AKAP6: variants seen among roughly 807,000 people sequenced by gnomAD.
The protein encoded by AKAP6 is A-kinase anchor protein 6.
AKAP6 carries 58 observed loss-of-function variants against 188.5 expected under a neutral mutation model. The observed-to-expected ratio is 0.31, with a 90% CI of 0.25 to 0.38. The LOEUF is 0.38. Ranked by LOEUF, AKAP6 falls within the 10% of genes least tolerant of loss-of-function variation. The pLI is 1.00. For missense variants in AKAP6, 2,710 were observed against 2,740.0 expected, an observed-to-expected ratio of 0.99 and a Z score of 0.24; for synonymous variants, 989 against 998.6, an observed-to-expected ratio of 0.99 and a Z score of 0.18.
At chr14:32,733,334 CTG>C (rs915296351) in intron 10 of AKAP6, 1 of 152,038 alleles carries the variant, frequency 6.6e-6, no homozygotes, top group African/African-American at 2.4e-5. Context: ...AAAAGTTAAA[CTG>C]TATTTTTTCA....
At chr14:32,774,372 A>C (rs2139995626) in intron 12 of AKAP6, among the ~76,000 whole-genome samples, 1 of 152,358 alleles carries the variant, frequency 6.6e-6, no homozygotes, top group Non-Finnish European at 1.5e-5. Context: ...CCCTGACATG[A>C]CATGAGTTAA....
At chr14:32,506,716 A>G (rs1417758187) in intron 2 of AKAP6, among the ~76,000 whole-genome samples, 1 of 151,770 alleles carries the variant, frequency 6.6e-6, no homozygotes, top group African/African-American at 2.4e-5. Flanking sequence ...TATTTTTACC[A>G]GAGACGGGGT....
At chr14:32,709,659 G>T (rs929441941) in intron 9 of AKAP6, among the ~76,000 whole-genome samples, 23 of 151,988 alleles carry the variant, frequency 1.5e-4, no homozygotes, top group African/African-American at 5.6e-4. Context: ...CTCCATTAAA[G>T]ATCTTTCCAG....
chr14:32,363,473 G>A (rs1347541409), intron 1 of AKAP6, among the ~76,000 whole-genome samples: 1 of 152,196 alleles, frequency 6.6e-6, no homozygotes, highest in Non-Finnish European at 1.5e-5. Flanking sequence ...TCAAAGGTTG[G>A]AAAGCCAATA....
chr14:32,372,355 A>G (rs1888034233), intron 1 of AKAP6, among the ~76,000 whole-genome samples: 1 of 152,010 alleles, frequency 6.6e-6, no homozygotes, highest in South Asian at 2.1e-4. Flanking sequence ...TTTTATAAAG[A>G]AATACACCAT....
chr14:32,577,260 G>A lies in AKAP6; in HGVS notation c.2469+18G>A. On this transcript the variant is annotated intron_variant, in intron 5 of 13. Transcript: ENST00000280979. ...CACACTTGGTAGGCAAGATTGTGTT[G>A]TTCTTGCTGTCAATAATCAAAGGAT... The A allele has an allele frequency of 1.2e-6, 2 of 1,602,000 alleles. No individual in the cohort carries two copies. The highest frequency in any genetic ancestry group is 1.7e-6 in the Non-Finnish European group (2 of 1,176,512).
intron 9 of AKAP6, among the ~76,000 whole-genome samples, chr14:32,709,818 T>A (rs377425510): frequency 2.6e-5 from 4 of 152,190 alleles, no homozygotes; most frequent in African/African-American, 9.6e-5. Flanking sequence ...GTTTTCTGTA[T>A]AGTCACATTT....
intron 7 of AKAP6, among the ~76,000 whole-genome samples, chr14:32,611,055 G>A (rs953940210): frequency 3.3e-5 from 5 of 152,086 alleles, no homozygotes; most frequent in South Asian, 2.1e-4. Context: ...AAGGCAGGCC[G>A]AGGCAAAGCA....
intron 7 of AKAP6, among the ~76,000 whole-genome samples, chr14:32,677,975 T>G (rs1437858922): frequency 6.6e-6 from 1 of 152,192 alleles, no homozygotes; most frequent in Non-Finnish European, 1.5e-5. Context: ...AAATAAGTGC[T>G]ACATATGTGA....
rs77285701 is a variant in AKAP6, at chr14:32,657,290, A to G, written c.2731-21021A>G. Among the ~76,000 whole-genome samples the G allele has an allele frequency of 5.2e-3, 790 of 152,320 alleles. 10 individuals are homozygous for G. The highest frequency in any genetic ancestry group is 0.017 in the African/African-American group (724 of 41,588). The stretch of plus-strand genomic sequence containing the variant: ...AGATGCTGACTCATGCTGACCCTGT[A>G]GTGGCTGTGATGAAATAACCCGTGG... On this transcript the variant is annotated intron_variant, in intron 7 of 13. Transcript: ENST00000280979.
At chr14:32,582,508 G>A (rs139654531) in intron 5 of AKAP6, among the ~76,000 whole-genome samples, 34,651 of 151,846 alleles carry the variant, frequency 0.23, 4,513 homozygotes, top group East Asian at 0.58. Context: ...TGTTTGTGGC[G>A]TTCTCTGTAT....
chr14:32,398,294 C>T (rs2138605130), intron 1 of AKAP6, among the ~76,000 whole-genome samples: 1 of 152,330 alleles, frequency 6.6e-6, no homozygotes, highest in South Asian at 2.1e-4. Flanking sequence ...GTGGGGCCTT[C>T]TCCTTGGCTG....
At chr14:32,454,541 G>T (rs1891053468) in intron 2 of AKAP6, among the ~76,000 whole-genome samples, 1 of 152,186 alleles carries the variant, frequency 6.6e-6, no homozygotes, top group Admixed American at 6.5e-5. Flanking sequence ...CTATGAAACA[G>T]TAGAAAATGA....
At chr14:32,394,860 T>C (rs947791239) in intron 1 of AKAP6, among the ~76,000 whole-genome samples, 1 of 152,152 alleles carries the variant, frequency 6.6e-6, no homozygotes, top group African/African-American at 2.4e-5. Context: ...TCTTAGAAAC[T>C]AAAGGAAAAG....
At chr14:32,805,203 G>A (rs2034057563) in intron 12 of AKAP6, among the ~76,000 whole-genome samples, 1 of 152,130 alleles carries the variant, frequency 6.6e-6, no homozygotes, top group Non-Finnish European at 1.5e-5. Context: ...CCCAATTTAT[G>A]TTCCTCTGCC....
At position 32,433,525 on chromosome 14, in the gene AKAP6, T is replaced by G; in HGVS notation, c.32T>G (p.Leu11Arg). MLTMSVTLSP[L>R]RSQDLDPMAT... ...ACCATGAGCGTGACACTTTCCCCCC[T>G]GAGGTCACAGGACCTGGATCCCATG... Residue 11 changes from leucine (L) to arginine (R), a missense_variant, in exon 2 of 14, where the codon CTG (leucine) becomes CGG (arginine). Transcript: ENST00000280979. 1 of 1,614,128 alleles carries G rather than the reference T, an allele frequency of 6.2e-7. No homozygotes were observed. Among genetic ancestry groups the G allele is most frequent in the Non-Finnish European group, 8.5e-7 (1 of 1,180,010 alleles).
At chr14:32,500,164 A>C (rs1880535715) in intron 2 of AKAP6, among the ~76,000 whole-genome samples, 1 of 152,152 alleles carries the variant, frequency 6.6e-6, no homozygotes, top group African/African-American at 2.4e-5. Context: ...AACTCACTTA[A>C]CATGTTTCAT....
At chr14:32,709,638 G>A (rs1257587230) in intron 9 of AKAP6, among the ~76,000 whole-genome samples, 2 of 152,002 alleles carry the variant, frequency 1.3e-5, no homozygotes, top group African/African-American at 2.4e-5. Flanking sequence ...CCATATAGGA[G>A]AGAATTTGTC....
At chr14:32,742,785 A>G (rs2031735067) in intron 11 of AKAP6, among the ~76,000 whole-genome samples, 2 of 152,140 alleles carry the variant, frequency 1.3e-5, no homozygotes, top group South Asian at 4.1e-4. Context: ...TTTGTGATCT[A>G]ACATATGGTC....
Sources: gnomAD v4.1 joint callset for allele counts (sites outside exome capture counted in the v4.1 genomes callset) on GRCh38, gnomAD v4.1.1 for gene constraint, MANE v1.5 for transcripts, NCBI Gene and HGNC (gene_info 2026-07-23, HGNC 2026-07-21) for gene names.